ACACB: variants seen among roughly 807,000 people sequenced by gnomAD.
ACACB encodes acetyl-CoA carboxylase beta, also known as acetyl-CoA carboxylase 2.
In ACACB, 209 loss-of-function variants were observed where a neutral mutation model predicts 278.8. The observed-to-expected ratio is 0.75, with a 90% CI of 0.67 to 0.84. The LOEUF is 0.84. Ranked by LOEUF, ACACB falls within the 40% of genes least tolerant of loss-of-function variation. ACACB has a pLI of 0.00. For synonymous variants in ACACB, 1,174 were observed against 1,285.6 expected, an observed-to-expected ratio of 0.91 and a Z score of 1.86; for missense variants, 2,850 against 3,269.0, an observed-to-expected ratio of 0.87 and a Z score of 3.13.
At chr12:109,199,679 C>T in intron 18 of ACACB, 127 bp downstream of exon 18, 1 of 1,038,892 alleles carries the variant, frequency 9.6e-7, no homozygotes, top group Non-Finnish European at 1.3e-6. Flanking sequence ...CTAAGGGAAT[C>T]AGTCTGTGGA....
Position 109,127,368 on chromosome 12 carries a change from TACTC to T in ACACB, c.-10+10666_-10+10669del, listed in dbSNP as rs1319133976. Among the ~76,000 whole-genome samples, 8 of 151,700 alleles carry T rather than the reference TACTC, an allele frequency of 5.3e-5. No homozygotes were observed. In the East Asian group the frequency reaches 1.5e-3, roughly 29 times the overall value. On this transcript the variant is annotated intron_variant, in intron 1 of 52. Transcript: ENST00000338432. ...TTATTAATTATTAGGACAAAGCTCTTACTCAGGAGTTCAAGATCAGCCTGGGCAA... is the reference window on the plus strand; with the variant it reads ...TTATTAATTATTAGGACAAAGCTCTTAGGAGTTCAAGATCAGCCTGGGCAA...
At chr12:109,260,758 C>T (rs1435218830) in intron 48 of ACACB, 101 bp downstream of exon 48, 1 of 1,192,746 alleles carries the variant, frequency 8.4e-7, no homozygotes, top group Non-Finnish European at 1.1e-6. Context: ...TGGCTGGAAC[C>T]TGTAAGTGGT....
intron 13 of ACACB, among the ~76,000 whole-genome samples, chr12:109,191,105 A>T (rs1460496046): frequency 6.6e-6 from 1 of 152,200 alleles, no homozygotes. Context: ...CCATATGAGG[A>T]AACTGAGGCC....
intron 27 of ACACB, among the ~76,000 whole-genome samples, chr12:109,226,979 T>C (rs2046330922): frequency 6.6e-6 from 1 of 151,926 alleles, no homozygotes; most frequent in African/African-American, 2.4e-5. Flanking sequence ...GAGGAAGGAT[T>C]TTTCTCTGTT....
chr12:109,187,989 C>G lies in ACACB; in HGVS notation c.1981-10C>G. On this transcript the variant is annotated splice_polypyrimidine_tract_variant and intron_variant, in intron 12 of 52. Transcript: ENST00000338432. ...TTTCTTCCATTTTGCATTTTCTGTCCGGACTCCAGGGTTTTAAGCCGAGCT... is the reference window on the plus strand; with the variant it reads ...TTTCTTCCATTTTGCATTTTCTGTCGGGACTCCAGGGTTTTAAGCCGAGCT... 6.3e-7 allele frequency: 1 copy of G among 1,582,472 alleles called. No individual in the cohort carries two copies. Among genetic ancestry groups the G allele is most frequent in the Non-Finnish European group, 8.6e-7 (1 of 1,156,620 alleles).
chr12:109,120,655 T>G (rs950541442), intron 1 of ACACB, among the ~76,000 whole-genome samples: 1 of 152,120 alleles, frequency 6.6e-6, no homozygotes, highest in Non-Finnish European at 1.5e-5. Context: ...TTCAGTGAGA[T>G]CTGCTAACAG....
In ACACB at chr12:109,176,048, C is replaced by G; in HGVS notation, c.1326+8C>G. 6.2e-7 allele frequency: 1 copy of G among 1,613,686 alleles called. No individual in the cohort carries two copies. The highest frequency in any genetic ancestry group is 1.3e-5 in the African/African-American group (1 of 75,042). ...GTAGATGAGGGCTTGGAGGTAAATG[C>G]AGAGCCTGTGGGGGCCAGGGGAGCC... is the stretch of plus-strand genomic sequence containing the variant. On this transcript the variant is annotated splice_region_variant and intron_variant, in intron 8 of 52. Transcript: ENST00000338432.
rs538792009 is a variant in ACACB at position 109,188,851 on chromosome 12, T to C, written c.2144+689T>C. Reference sequence around the variant, plus strand: ...TGTAAAAGGTGCTAAGTACCATAGCTGAAGAAAGGGGGAGGGAAACTCCTT... The same window carrying C: ...TGTAAAAGGTGCTAAGTACCATAGCCGAAGAAAGGGGGAGGGAAACTCCTT... On this transcript the variant is annotated intron_variant, in intron 13 of 52. Coordinates refer to ENST00000338432, the MANE Select transcript of ACACB (RefSeq NM_001093.4). Among the ~76,000 whole-genome samples the C allele has an allele frequency of 2.6e-5, 4 of 152,308 alleles. No homozygotes were observed. In the East Asian group the frequency reaches 7.7e-4, roughly 29 times the overall value.
chr12:109,235,041 T>C (rs1207029897), intron 31 of ACACB, among the ~76,000 whole-genome samples: 5 of 152,112 alleles, frequency 3.3e-5, no homozygotes, highest in African/African-American at 1.2e-4. Context: ...AAAAACCCTG[T>C]ACCTGTTAGC....
At chr12:109,169,109 C>T (rs2044017077) in intron 4 of ACACB, among the ~76,000 whole-genome samples, 1 of 135,062 alleles carries the variant, frequency 7.4e-6, no homozygotes. Context: ...CACTCCACTG[C>T]ACTGCGGCCT....
chr12:109,246,154 C>T lies in ACACB; in HGVS notation c.5302-25C>T, dbSNP rs1425196966. 1.9e-6 allele frequency: 3 copies of T among 1,591,906 alleles called. No individual in the cohort carries two copies. In the African/African-American group the frequency reaches 4.0e-5, roughly 21 times the overall value. The stretch of plus-strand genomic sequence containing the variant: ...TCCCCCAAAGAAACAAACTCATTTT[C>T]CTTGTGCATTCATCCCCTTGCCAGG... On this transcript the variant is annotated intron_variant, in intron 38 of 52. Transcript: ENST00000338432.
intron 1 of ACACB, among the ~76,000 whole-genome samples, chr12:109,117,203 C>T (rs1363528367): frequency 2.0e-5 from 3 of 151,066 alleles, no homozygotes; most frequent in African/African-American, 7.3e-5. Context: ...GTACTAAACA[C>T]ATAAAAATTA....
chr12:109,193,566 C>G (rs759506157), intron 15 of ACACB, 82 bp from the exon 16 acceptor site: 2 of 1,168,952 alleles, frequency 1.7e-6, no homozygotes, highest in South Asian at 2.5e-5. Context: ...CAGAGAGTTG[C>G]GTAATTTTTT....
Position 109,258,209 on chromosome 12 carries a change from G to A in ACACB, c.6264-59G>A, listed in dbSNP as rs916501870. ...CGTGCCCTCACCCCCACACCCAGAG[G>A]TCCCCAAATGCACCTGGGGTGCTGC... is the stretch of plus-strand genomic sequence containing the variant. On this transcript the variant is annotated intron_variant, in intron 45 of 52. Coordinates refer to ENST00000338432, the MANE Select transcript of ACACB (RefSeq NM_001093.4). 3 of 1,340,956 alleles carry A rather than the reference G, an allele frequency of 2.2e-6. No individual in the cohort carries two copies. The South Asian group carries it at 3.8e-5, about 17-fold the overall frequency. The allele number at this position is 1,340,956 out of a possible 1,614,324, so 83.1% of individuals were successfully genotyped here. A position where few individuals can be genotyped will look rare whatever the true frequency, so the allele number is the denominator to read the frequency against.
At chr12:109,232,529 T>C in intron 28 of ACACB, 140 bp from the exon 29 acceptor site, 1 of 1,077,986 alleles carries the variant, frequency 9.3e-7, no homozygotes, top group Non-Finnish European at 1.3e-6. Context: ...AGCCATTGTC[T>C]CATCCCCTGC....
At chr12:109,203,102 C>G (rs2093044545) in intron 19 of ACACB, among the ~76,000 whole-genome samples, 1 of 152,214 alleles carries the variant, frequency 6.6e-6, no homozygotes, top group Non-Finnish European at 1.5e-5. Flanking sequence ...TAGGTGGAAT[C>G]TATATAGTAT....
rs778271612 is a variant in ACACB at position 109,265,504 on chromosome 12, C to T, written c.7229C>T (p.Ser2410Phe). 2 of 1,613,760 alleles carry T rather than the reference C, an allele frequency of 1.2e-6. No individual in the cohort carries two copies. The highest frequency in any genetic ancestry group is 1.7e-6 in the Non-Finnish European group (2 of 1,179,956). The change falls in exon 52 of 53, where the codon TCT (serine) becomes TTT (phenylalanine). Residue 2410 changes from serine to phenylalanine, a missense_variant. Ser to Phe is a radical substitution (Grantham distance 155). This residue lies in a region of ACACB where 579 missense variants were observed against 684.6 expected (regional missense o/e 0.85). Transcript: ENST00000338432. The stretch of plus-strand genomic sequence containing the variant: ...AACATCACGTACCTGAAGCACGACT[C>T]TGTCCTCAAGACCATCCGAGGGTGA... ...RENITYLKHDSVLKTIRGLVE... is the reference protein window; with the variant it reads ...RENITYLKHDFVLKTIRGLVE...
At chr12:109,245,544 T>C in intron 37 of ACACB, 82 bp from the exon 38 acceptor site, 1 of 1,442,744 alleles carries the variant, frequency 6.9e-7, no homozygotes, top group South Asian at 1.4e-5. Flanking sequence ...CCTGGAATCA[T>C]GACAGATCAT....
chr12:109,192,125 G>A (rs2044914675), intron 15 of ACACB, among the ~76,000 whole-genome samples, 175 bp downstream of exon 15: 1 of 152,220 alleles, frequency 6.6e-6, no homozygotes, highest in Non-Finnish European at 1.5e-5. Context: ...CCCTTGAAGA[G>A]GCTGTGGGTT....
Sources: allele counts gnomAD v4.1 joint callset (sites outside exome capture counted in the v4.1 genomes callset), GRCh38; gene constraint gnomAD v4.1.1; regional missense constraint gnomAD v4.1.1; transcripts MANE v1.5; gene names NCBI Gene and HGNC (gene_info 2026-07-23, HGNC 2026-07-21).